Variants in DENND1A observed in about 807,000 individuals in gnomAD.
DENND1A encodes DENN domain-containing protein 1A.
A neutral mutation model predicts 113.7 loss-of-function variants in DENND1A; 51 were observed. The ratio of observed to expected loss-of-function variants is 0.45; its 90% CI spans 0.36 to 0.57. The LOEUF (loss-of-function observed/expected upper bound fraction) is 0.57. Among genes scored for constraint, DENND1A ranks in the 20% least tolerant of loss-of-function variants. DENND1A has a pLI of 0.00. For synonymous variants in DENND1A, 565 were observed against 570.8 expected (o/e 0.99, Z 0.14); for missense variants, 1,258 against 1,395.9 (o/e 0.90, Z 1.57).
At chr9:123,852,305 AG>A (rs1382823497) in intron 2 of DENND1A, among the ~76,000 whole-genome samples, 1 of 152,166 alleles carries the variant, frequency 6.6e-6, no homozygotes, top group East Asian at 1.9e-4. Flanking sequence ...TGCTGATGTA[AG>A]GATGGCACTT....
chr9:123,482,820 C>A (rs961221035), intron 13 of DENND1A, among the ~76,000 whole-genome samples: 2 of 152,164 alleles, frequency 1.3e-5, no homozygotes, highest in African/African-American at 4.8e-5. Context: ...AAGCCCCAGG[C>A]CTCTGTGGGA....
chr9:123,408,778 T>A (rs1251271767), intron 20 of DENND1A, among the ~76,000 whole-genome samples: 1 of 152,162 alleles, frequency 6.6e-6, no homozygotes, highest in Non-Finnish European at 1.5e-5. Flanking sequence ...CCAATGGATG[T>A]GGCAGCCCAC....
chr9:123,479,212 GT>G (rs1326316382), intron 13 of DENND1A, among the ~76,000 whole-genome samples: 2 of 152,200 alleles, frequency 1.3e-5, no homozygotes, highest in Non-Finnish European at 2.9e-5. Context: ...CGTGAGACAT[GT>G]CTGAGTCTAA....
At chr9:123,855,633 G>A (rs117426355) in intron 2 of DENND1A, among the ~76,000 whole-genome samples, 5 of 152,046 alleles carry the variant, frequency 3.3e-5, no homozygotes, top group East Asian at 1.9e-4. Context: ...TAATGAAGAG[G>A]CATTATAAGG....
chr9:123,663,966 G>C (rs1206446019), intron 8 of DENND1A, among the ~76,000 whole-genome samples: 2 of 152,248 alleles, frequency 1.3e-5, no homozygotes, highest in East Asian at 1.9e-4. Flanking sequence ...CTAGTGCTCT[G>C]ATCAGTTAGC....
At chr9:123,769,974 A>T (rs1235993921) in intron 3 of DENND1A, among the ~76,000 whole-genome samples, 2 of 152,168 alleles carry the variant, frequency 1.3e-5, no homozygotes, top group Non-Finnish European at 2.9e-5. Flanking sequence ...GTTACCTAGG[A>T]ACAGAGGGGG....
At chr9:123,858,058 CAAAAA>C (rs1230079039) in intron 2 of DENND1A, among the ~76,000 whole-genome samples, 14 of 51,110 alleles carry the variant, frequency 2.7e-4, no homozygotes, top group African/African-American at 8.2e-4. Context: ...GACTCCGTCT[CAAAAA>C]AAAAAAAAAA....
At chr9:123,385,233 C>T (rs545608632) in intron 22 of DENND1A, among the ~76,000 whole-genome samples, 13 of 152,272 alleles carry the variant, frequency 8.5e-5, no homozygotes, top group East Asian at 1.9e-4. Context: ...GGCGCAGTCT[C>T]GGCTCACTGC....
chr9:123,666,991 A>T, intron 8 of DENND1A, 35 bp downstream of exon 8: 2 of 1,552,958 alleles, frequency 1.3e-6, no homozygotes, highest in Non-Finnish European at 1.7e-6. Flanking sequence ...AGAGAAGAAT[A>T]AAAATTTAAT....
chr9:123,481,568 G>T (rs146422408), intron 13 of DENND1A, among the ~76,000 whole-genome samples: 1 of 152,294 alleles, frequency 6.6e-6, no homozygotes, highest in Non-Finnish European at 1.5e-5. Flanking sequence ...AATAAGGAGT[G>T]GTGGGGTCAG....
chr9:123,690,109 GAA>G (rs1175445960), intron 5 of DENND1A, among the ~76,000 whole-genome samples: 6 of 88,506 alleles, frequency 6.8e-5, no homozygotes, highest in Admixed American at 1.3e-4. Flanking sequence ...AGGGAGGGAG[GAA>G]GAAAAAGGAG....
At chr9:123,907,577 G>C (rs1377955562) in intron 1 of DENND1A, among the ~76,000 whole-genome samples, 2 of 141,756 alleles carry the variant, frequency 1.4e-5, no homozygotes, top group Non-Finnish European at 3.1e-5. Context: ...GCCAAATCAT[G>C]AGTGAACTCC....
rs145794173 is a variant in DENND1A at position 123,429,135 on chromosome 9, A to T, written c.1488+11225T>A. On this transcript the variant is annotated intron_variant, in intron 19 of 23. Transcript: ENST00000394215. ...GGAGGCATCATGCTACTTGACTTCAAACTATACTACAAGGCTACAGTAACC... is the reference window on the plus strand; with the variant it reads ...GGAGGCATCATGCTACTTGACTTCATACTATACTACAAGGCTACAGTAACC... Among the ~76,000 whole-genome samples the T allele has an allele frequency of 7.8e-3, 1,190 of 152,352 alleles. 8 individuals are homozygous for T. Among genetic ancestry groups the T allele is most frequent in the African/African-American group, 0.027 (1,140 of 41,584 alleles).
At chr9:123,815,560 T>G (rs1837307414) in intron 2 of DENND1A, among the ~76,000 whole-genome samples, 2 of 152,202 alleles carry the variant, frequency 1.3e-5, no homozygotes, top group African/African-American at 4.8e-5. Flanking sequence ...ATATAGCACT[T>G]GCAGTATAAC....
chr9:123,620,741 C>T (rs570227121), intron 10 of DENND1A, among the ~76,000 whole-genome samples: 4 of 152,284 alleles, frequency 2.6e-5, no homozygotes, highest in South Asian at 2.1e-4. Context: ...GCTTCCCTTC[C>T]TCTTCTGTCT....
rs189786392 is a variant in DENND1A at position 123,664,373 on chromosome 9, G to A, written c.507+2653C>T. On this transcript the variant is annotated intron_variant, in intron 8 of 23. Coordinates refer to ENST00000394215, the MANE Select transcript of DENND1A (RefSeq NM_001352964.2). ...TCTTTTCACAATCTTTAAATTTATT[G>A]AATAAGTTTAAAATTTTATTCTTTT... Among the ~76,000 whole-genome samples the A allele has an allele frequency of 3.9e-3, 591 of 151,620 alleles. 12 individuals carry two copies. The highest frequency in any genetic ancestry group is 0.026 in the Admixed American group (402 of 15,240).
chr9:123,382,611 G>A lies in DENND1A; in HGVS notation c.2034C>T (p.Gly678=), dbSNP rs371842367. ...GTFDYQRLDL[G]GSERSRGVTV... Reference sequence around the variant, plus strand: ...TCACCCCGCGGCTCCTCTCACTCCCGCCCAGATCCAGCCTCTGTTGGGAGG... The same window carrying A: ...TCACCCCGCGGCTCCTCTCACTCCCACCCAGATCCAGCCTCTGTTGGGAGG... Residue 678 remains glycine (G), a synonymous_variant, in exon 24 of 24, where the codon GGC becomes GGT. Coordinates refer to ENST00000394215, the MANE Select transcript of DENND1A (RefSeq NM_001352964.2). 1.9e-5 allele frequency: 30 copies of A among 1,613,808 alleles called. No individual in the cohort carries two copies. The highest frequency in any genetic ancestry group is 2.7e-5 in the African/African-American group (2 of 74,920).
intron 19 of DENND1A, among the ~76,000 whole-genome samples, chr9:123,425,543 G>C (rs896251365): frequency 2.6e-5 from 4 of 152,260 alleles, no homozygotes; most frequent in African/African-American, 9.6e-5. Flanking sequence ...GGCACAAGGA[G>C]TGAGTGGACC....
chr9:123,830,336 C>T (rs1186283545), intron 2 of DENND1A, among the ~76,000 whole-genome samples: 2 of 151,906 alleles, frequency 1.3e-5, no homozygotes, highest in African/African-American at 2.4e-5. Flanking sequence ...CAGTTGTTGT[C>T]TCTGGTGGGG....
Sources: allele counts gnomAD v4.1 joint callset (sites outside exome capture counted in the v4.1 genomes callset), GRCh38; gene constraint gnomAD v4.1.1; transcripts MANE v1.5; gene names NCBI Gene and HGNC (gene_info 2026-07-23, HGNC 2026-07-21).